MBP: variants seen among roughly 807,000 people sequenced by gnomAD.
MBP encodes the protein Golli-MBP.
MBP carries 16 observed loss-of-function variants against 35.8 expected under a neutral mutation model. That is an observed-to-expected ratio of 0.45 (90% confidence interval 0.30 to 0.68). The LOEUF (loss-of-function observed/expected upper bound fraction) is 0.68. MBP is among the 30% of genes least tolerant of loss of function. MBP has a pLI of 0.08. For missense variants in MBP, 380 were observed against 404.7 expected, an observed-to-expected ratio of 0.94 and a Z score of 0.52; for synonymous variants, 143 against 159.6, an observed-to-expected ratio of 0.90 and a Z score of 0.78.
At chr18:77,079,554 G>C (rs950415193) in intron 2 of MBP, among the ~76,000 whole-genome samples, 1 of 152,324 alleles carries the variant, frequency 6.6e-6, no homozygotes, top group South Asian at 2.1e-4. Context: ...TATCTCTTCA[G>C]AGGTAAGCAG....
At chr18:77,133,333 G>GCTGGGA (rs538845035), upstream of MBP, among the ~76,000 whole-genome samples, 389 of 152,314 alleles carry the variant, frequency 2.6e-3, 2 homozygotes, top group African/African-American at 9.0e-3. Context: ...GGAGCTGGGA[G>GCTGGGA]CTGGGAGCTG....
rs773474157 is a variant in MBP at position 77,082,142 on chromosome 18, G to A, written c.52-15757C>T. ...GCTGGGATTACAGGCGTGAGCCACT[G>A]CGCCCGGCCCATAGCAGCATATTTT... On this transcript the variant is annotated intron_variant, in intron 2 of 8. Transcript: ENST00000355994. 4.6e-5 allele frequency among the ~76,000 whole-genome samples: 7 copies of A among 152,000 alleles called. No individual in the cohort carries two copies. The East Asian group carries it at 7.7e-4, about 17-fold the overall frequency.
At chr18:77,066,460 G>T (rs909090287) in intron 2 of MBP, 75 bp from the exon 3 acceptor site, 7 of 940,318 alleles carry the variant, frequency 7.4e-6, no homozygotes, top group Non-Finnish European at 1.2e-5. Flanking sequence ...TAATGCATTT[G>T]TCTCTTTATA....
chr18:77,105,157 TTG>T, intron 2 of MBP, 52 bp downstream of exon 2: 2 of 1,574,284 alleles, frequency 1.3e-6, no homozygotes, highest in African/African-American at 1.3e-5. Context: ...CCAAGGGGAT[TTG>T]TGTTTAATAA....
chr18:76,991,745 G>T (rs1287777616), intron 4 of MBP, among the ~76,000 whole-genome samples: 1 of 152,176 alleles, frequency 6.6e-6, no homozygotes, highest in Non-Finnish European at 1.5e-5. Context: ...TGCTGGCTGC[G>T]CCCCGTCGAC....
rs1459654725 is a variant in MBP at position 77,131,083 on chromosome 18, GCGCACACA to G, written c.-26+1489_-26+1496del. ...AAAACACACACACGCGCGCACGCAC[GCGCACACA>G]CACACACACACACACACACACACAC... On this transcript the variant is annotated intron_variant, in intron 1 of 8. Coordinates refer to ENST00000355994, the MANE Select transcript of MBP (RefSeq NM_001025101.2). This position sits in a 1 kb window ranked among gnomAD's most constrained non-coding sequence, Gnocchi z 5.5. Among the ~76,000 whole-genome samples, 24 of 43,694 alleles carry G rather than the reference GCGCACACA, an allele frequency of 5.5e-4. No homozygotes were observed. Among genetic ancestry groups the G allele is most frequent in the African/African-American group, 1.4e-3 (22 of 16,184 alleles). 28.7% of individuals were successfully genotyped at this position (43,694 alleles called of 152,430 possible). A position where few individuals can be genotyped will look rare whatever the true frequency, so the allele number is the denominator to read the frequency against.
At chr18:77,005,383 G>C (rs958730583) in intron 4 of MBP, 1 of 152,254 alleles carries the variant, frequency 6.6e-6, no homozygotes, top group South Asian at 2.1e-4. Context: ...CTCCATGCAG[G>C]AGCACACCCT....
At chr18:77,001,522 T>G (rs1770266982) in intron 4 of MBP, among the ~76,000 whole-genome samples, 1 of 152,174 alleles carries the variant, frequency 6.6e-6, no homozygotes, top group African/African-American at 2.4e-5. Flanking sequence ...AGGAGAAGTG[T>G]GCATTCCTAG....
upstream of MBP, among the ~76,000 whole-genome samples, chr18:77,133,097 C>T (rs973735157): frequency 3.9e-5 from 6 of 152,096 alleles, no homozygotes; most frequent in African/African-American, 1.4e-4. Context: ...GAACCCACCC[C>T]GACCCCGACC....
chr18:76,996,146 C>T (rs1970255423), intron 4 of MBP, among the ~76,000 whole-genome samples: 1 of 152,164 alleles, frequency 6.6e-6, no homozygotes, highest in African/African-American at 2.4e-5. Context: ...GGGGATACCG[C>T]ACCGTTAGAA....
At chr18:77,043,532 C>T (rs1178205218) in intron 3 of MBP, among the ~76,000 whole-genome samples, 1 of 152,160 alleles carries the variant, frequency 6.6e-6, no homozygotes, top group Non-Finnish European at 1.5e-5. Context: ...GCAGGCACCC[C>T]GGGGACCTGC....
intron 2 of MBP, among the ~76,000 whole-genome samples, chr18:77,085,093 G>A (rs754042666): frequency 2.6e-5 from 4 of 151,926 alleles, no homozygotes; most frequent in Admixed American, 6.6e-5. Flanking sequence ...CCGTTATTCA[G>A]TTCAAAAGAA....
chr18:77,020,558 G>A lies in MBP; in HGVS notation c.140-3290C>T, dbSNP rs1971949372. Reference sequence around the variant, plus strand: ...AACCCCTCCTCAGAGTCACATGGGAGGCTGAATTTCCCAGCACATGCTGTG... The same window carrying A: ...AACCCCTCCTCAGAGTCACATGGGAAGCTGAATTTCCCAGCACATGCTGTG... On this transcript the variant is annotated intron_variant, in intron 3 of 8. Coordinates refer to ENST00000355994, the MANE Select transcript of MBP (RefSeq NM_001025101.2). The surrounding 1 kb of genome is among the most constrained non-coding windows in gnomAD (Gnocchi z 4.1). 6.6e-6 allele frequency among the ~76,000 whole-genome samples: 1 copy of A among 152,214 alleles called. No homozygotes were observed. The highest frequency in any genetic ancestry group is 1.5e-5 in the Non-Finnish European group (1 of 68,040).
intron 2 of MBP, among the ~76,000 whole-genome samples, chr18:77,097,753 T>G (rs1001970682): frequency 5.9e-5 from 9 of 152,084 alleles, no homozygotes; most frequent in Admixed American, 5.9e-4. Context: ...GAGTTACATT[T>G]GGATGGGTCT....
At position 76,980,603 on chromosome 18, in the gene MBP, C is replaced by T. The variant is rs138972622; in HGVS notation, c.871-132G>A. On this transcript the variant is annotated intron_variant, in intron 8 of 8. Transcript: ENST00000355994. ...TCTCATCTGCTAATAGAAATGGCAC[C>T]CCGGAGAGCTGGTCTTTTCATTCCA... 4.6e-4 allele frequency: 316 copies of T among 693,678 alleles called. 2 individuals are homozygous for T. The African/African-American group carries it at 5.1e-3, about 11-fold the overall frequency. 43.0% of individuals were successfully genotyped at this position (693,678 alleles called of 1,614,324 possible).
chr18:77,106,646 C>T (rs537637132), intron 1 of MBP, among the ~76,000 whole-genome samples: 2 of 152,284 alleles, frequency 1.3e-5, no homozygotes, highest in African/African-American at 4.8e-5. Flanking sequence ...AAAGTGCCCA[C>T]AGATGAGGCT....
intron 3 of MBP, among the ~76,000 whole-genome samples, chr18:77,033,969 C>T (rs897386249): frequency 2.6e-5 from 4 of 151,256 alleles, no homozygotes; most frequent in African/African-American, 2.4e-5. Context: ...GACAGAGTCC[C>T]GCTCCCCACT....
chr18:77,007,567 A>C (rs1971061433), intron 4 of MBP, among the ~76,000 whole-genome samples: 1 of 152,222 alleles, frequency 6.6e-6, no homozygotes. Context: ...CAGCCTGCCC[A>C]GGCTTTAGTT....
intron 3 of MBP, among the ~76,000 whole-genome samples, chr18:77,054,764 CA>C (rs2144721191): frequency 6.6e-6 from 1 of 152,256 alleles, no homozygotes; most frequent in South Asian, 2.1e-4. Flanking sequence ...GCACACATCT[CA>C]AATTCCAATT....
Sources: gnomAD v4.1 joint callset for allele counts (sites outside exome capture counted in the v4.1 genomes callset) on GRCh38, gnomAD v4.1.1 for gene constraint, Gnocchi (gnomAD v3.1) non-coding constraint, MANE v1.5 for transcripts, NCBI Gene and HGNC (gene_info 2026-07-23, HGNC 2026-07-21) for gene names.